The following MYO15B variants were observed in gnomAD, a reference collection of about 807,000 sequenced individuals.
MYO15B encodes the protein myosin XVB.
MYO15B carries 207 observed loss-of-function variants against 119.3 expected under a neutral mutation model. The ratio of observed to expected loss-of-function variants is 1.73; its 90% confidence interval spans 1.55 to 1.95. The LOEUF (loss-of-function observed/expected upper bound fraction) is 1.95. Among genes scored for constraint, MYO15B ranks in the 30% most tolerant of loss-of-function variants. The pLI is 0.00. For missense variants in MYO15B, 2,264 were observed against 1,203.1 expected, an observed-to-expected ratio of 1.88 and a Z score of -13.04; for synonymous variants, 966 against 498.9, an observed-to-expected ratio of 1.94 and a Z score of -12.48.
rs1363677706 is a variant in MYO15B at position 75,589,890 on chromosome 17, C to G, written c.1833C>G (p.Asp611Glu). 4 of 398,510 alleles carry G rather than the reference C, an allele frequency of 1.0e-5. No individual in the cohort carries two copies. Among genetic ancestry groups the G allele is most frequent in the African/African-American group, 6.2e-5 (3 of 48,624 alleles). 24.7% of individuals were successfully genotyped at this position (398,510 alleles called of 1,614,324 possible). A position where few individuals can be genotyped will look rare whatever the true frequency, so the allele number is the denominator to read the frequency against. The change falls in exon 1 of 64, where the codon GAC becomes GAG. Residue 611 changes from aspartate (D) to glutamate (E), a missense_variant. Transcript: ENST00000645453. The surrounding 1 kb of genome is among the most constrained non-coding windows in gnomAD (Gnocchi z 4.2). ...CCCTCCTTGCCCCGACTGCACCCGA[C>G]GGGCCTTCCCTCGACGAGAGCGGCT... is the stretch of plus-strand genomic sequence containing the variant.
chr17:75,611,951 A>G, exon 25 of MYO15B: 1 of 702,980 alleles, frequency 1.4e-6, no homozygotes, highest in Non-Finnish European at 2.6e-6. Context: ...TGCCCGGCCC[A>G]GCCTGACTCT....
chr17:75,614,042 G>A, intron 29 of MYO15B, 157 bp from the exon 30 acceptor site: 1 of 607,080 alleles, frequency 1.6e-6, no homozygotes, highest in Non-Finnish European at 3.0e-6. Context: ...AGGTGAGGAG[G>A]GGAGCAGCCC....
At chr17:75,598,259 T>G (rs1028847108) in intron 14 of MYO15B, among the ~76,000 whole-genome samples, 1 of 111,960 alleles carries the variant, frequency 8.9e-6, no homozygotes, top group African/African-American at 3.2e-5. Flanking sequence ...AGAGCAAGAC[T>G]CCGTCTCAAA....
intron 14 of MYO15B, among the ~76,000 whole-genome samples, chr17:75,598,826 C>A (rs2057054597): frequency 6.6e-6 from 1 of 151,788 alleles, no homozygotes; most frequent in Non-Finnish European, 1.5e-5. Flanking sequence ...CTTTGAGGTC[C>A]CAAGATCACT....
intron 21 of MYO15B, among the ~76,000 whole-genome samples, chr17:75,608,741 G>A (rs1328475316): frequency 2.1e-5 from 3 of 144,160 alleles, no homozygotes; most frequent in Non-Finnish European, 4.7e-5. Flanking sequence ...TGTTGTTGTT[G>A]TTTTTCTTTT....
chr17:75,624,283 C>T lies in MYO15B; in HGVS notation c.8367+14C>T, dbSNP rs766880062. 1.3e-5 allele frequency: 9 copies of T among 702,828 alleles called. No homozygotes were observed. The highest frequency in any genetic ancestry group is 1.0e-4 in the African/African-American group (6 of 57,368). 43.5% of individuals were successfully genotyped at this position (702,828 alleles called of 1,614,324 possible). On this transcript the variant is annotated intron_variant, in intron 56 of 63. Transcript: ENST00000645453. ...AAGGCTTTCCTGGTACTGGGGGTGGCGGATGGGCATTGTGGGACACCCTGG... is the reference window on the plus strand; with the variant it reads ...AAGGCTTTCCTGGTACTGGGGGTGGTGGATGGGCATTGTGGGACACCCTGG...
At chr17:75,614,327 G>A (rs868542548) in exon 30 of MYO15B, 11 of 702,664 alleles carry the variant, frequency 1.6e-5, no homozygotes, top group Admixed American at 1.0e-4. Context: ...GACCCAGCTC[G>A]CCCCCGCAGC....
chr17:75,612,663 CAAAAAAA>C, intron 25 of MYO15B, 128 bp from the exon 26 acceptor site: 1 of 524,106 alleles, frequency 1.9e-6, no homozygotes, highest in Non-Finnish European at 3.4e-6. Context: ...GACTCTGCCT[CAAAAAAA>C]AAAAAAAGGC....
chr17:75,626,454 C>T lies in MYO15B; in HGVS notation c.9261C>T (p.Ala3087=), dbSNP rs1470695925. Residue 3087 remains alanine (A), a synonymous_variant, in exon 64 of 64, where the codon GCC becomes GCT. Transcript: ENST00000645453. ...CTGTCTTCCTGATAGACAGCAGTGC[C>T]TCTTGCACTGAGTGGCCCAGCATCA... 4.3e-6 allele frequency: 3 copies of T among 703,176 alleles called. No individual in the cohort carries two copies. The African/African-American group carries it at 5.2e-5, about 12-fold the overall frequency. The allele number at this position is 703,176 out of a possible 1,614,324, so 43.6% of individuals were successfully genotyped here.
rs1286800938 is a variant in MYO15B, at chr17:75,616,792, C to T, written c.6506+7C>T. ...TGCCCGTGCAGCCATCCAGGTGGGC[C>T]CCCACGGGGAGGTGGCCAGGGCTGT... On this transcript the variant is annotated splice_region_variant and intron_variant, in intron 39 of 63. Transcript: ENST00000645453. The T allele has an allele frequency of 1.4e-6, 1 of 703,018 alleles. No individual in the cohort carries two copies. Among genetic ancestry groups the T allele is most frequent in the Non-Finnish European group, 2.6e-6 (1 of 384,994 alleles). 43.5% of individuals were successfully genotyped at this position (703,018 alleles called of 1,614,324 possible).
exon 8 of MYO15B, chr17:75,592,445 C>G: frequency 3.2e-6 from 2 of 616,154 alleles, no homozygotes. Context: ...CTGAGCGGAG[C>G]TTCCATGTTT....
chr17:75,626,481 C>T (rs1568247287), exon 64 of MYO15B: 1 of 703,118 alleles, frequency 1.4e-6, no homozygotes, highest in Non-Finnish European at 2.6e-6. Context: ...CCAGCATCAA[C>T]TGAGAGGAGT....
At chr17:75,624,989 CCT>C (rs2058944777) in intron 59 of MYO15B, 73 bp downstream of exon 59, 1 of 683,350 alleles carries the variant, frequency 1.5e-6, no homozygotes, top group South Asian at 1.6e-5. Context: ...CCTCCAAGCC[CCT>C]CTCCCCACAA....
chr17:75,613,795 G>T lies in MYO15B; in HGVS notation c.5219+18G>T. 1 of 696,730 alleles carries T rather than the reference G, an allele frequency of 1.4e-6. No homozygotes were observed. The highest frequency in any genetic ancestry group is 1.5e-5 in the South Asian group (1 of 66,574). 43.2% of individuals were successfully genotyped at this position (696,730 alleles called of 1,614,324 possible). On this transcript the variant is annotated intron_variant, in intron 29 of 63. Transcript: ENST00000645453. ...CAGAGCAGGTATGGGGACCGGGGAT[G>T]GGGGACAGTGTGGCCAAAGTGACCC...
intron 21 of MYO15B, among the ~76,000 whole-genome samples, chr17:75,609,259 G>A (rs1028637143): frequency 2.8e-4 from 43 of 151,036 alleles, no homozygotes; most frequent in Middle Eastern, 3.4e-3. Context: ...CCAGGCTAAA[G>A]AGCAGTGACC....
At chr17:75,594,749 T>G (rs820256) in exon 11 of MYO15B, 655,971 of 703,018 alleles carry the variant, frequency 0.93, 306,444 homozygotes, top group Admixed American at 0.95. Context: ...GGAAAGTGCC[T>G]TTGATGCCAG....
rs767210748 is a variant in MYO15B, at chr17:75,620,685, TGAGG to T, written c.7725+50_7725+53del. The T allele has an allele frequency of 4.3e-6, 3 of 689,704 alleles. No homozygotes were observed. In the South Asian group the frequency reaches 4.5e-5, roughly 10 times the overall value. 42.7% of individuals were successfully genotyped at this position (689,704 alleles called of 1,614,324 possible). On this transcript the variant is annotated intron_variant, in intron 49 of 63. Coordinates refer to ENST00000645453, the Ensembl canonical transcript of MYO15B. The stretch of plus-strand genomic sequence containing the variant: ...AGCAGAGGCAAGGCCTGCCTGAGAC[TGAGG>T]AAGGAAAGGGGTTTGACCACTCCCG...
chr17:75,624,382 A>G (rs1401575475), exon 57 of MYO15B: 1 of 702,396 alleles, frequency 1.4e-6, no homozygotes, highest in African/African-American at 1.7e-5. Context: ...AGGACAAGCG[A>G]TTCGCCTGCT....
chr17:75,589,803 G>C lies in MYO15B; in HGVS notation c.1746G>C (p.Val582=), dbSNP rs994427867. ...GCCGAGGTTGGCCTCGTGCAGGGGT[G>C]GGGGGGCACAGTGAGGGGTGCAGGA... Residue 582 remains valine, a synonymous_variant, in exon 1 of 64, where the codon GTG becomes GTC. Coordinates refer to ENST00000645453, the Ensembl canonical transcript of MYO15B. The surrounding 1 kb of genome is among the most constrained non-coding windows in gnomAD (Gnocchi z 4.2). The C allele has an allele frequency of 5.0e-6, 2 of 398,502 alleles. No individual in the cohort carries two copies. Among genetic ancestry groups the C allele is most frequent in the East Asian group, 7.1e-5 (2 of 28,066 alleles). 24.7% of individuals were successfully genotyped at this position (398,502 alleles called of 1,614,324 possible).
Sources: allele counts gnomAD v4.1 joint callset (sites outside exome capture counted in the v4.1 genomes callset), GRCh38; gene constraint gnomAD v4.1.1; non-coding constraint Gnocchi (gnomAD v3.1); transcripts MANE v1.5; gene names NCBI Gene and HGNC (gene_info 2026-07-23, HGNC 2026-07-21).